TLR5: variants seen among roughly 807,000 people sequenced by gnomAD.
TLR5 encodes toll-like receptor 5.
For synonymous variants in TLR5, 373 were observed against 384.4 expected (o/e 0.97, Z 0.35); for missense variants, 944 against 999.8 (o/e 0.94, Z 0.75).
chr1:223,120,777 T>C (rs1343419230), intron 5 of TLR5, among the ~76,000 whole-genome samples: 1 of 152,124 alleles, frequency 6.6e-6, no homozygotes, highest in Non-Finnish European at 1.5e-5. Flanking sequence ...AAATGTCAAG[T>C]GTAATAAAAA....
chr1:223,118,668 A>G (rs2102888084), intron 5 of TLR5, among the ~76,000 whole-genome samples: 1 of 152,314 alleles, frequency 6.6e-6, no homozygotes, highest in African/African-American at 2.4e-5. Context: ...AGAATATAAT[A>G]TAAATGCCTC....
At position 223,111,306 on chromosome 1, in the gene TLR5, T is replaced by A; in HGVS notation, c.1726A>T (p.Ile576Leu). 6.2e-7 allele frequency: 1 copy of A among 1,614,164 alleles called. No homozygotes were observed. Among genetic ancestry groups the A allele is most frequent in the South Asian group, 1.1e-5 (1 of 91,082 alleles). The change falls in exon 6 of 6, where the codon ATA (isoleucine) becomes TTA (leucine). Residue 576 changes from isoleucine to leucine, a missense_variant. By Grantham distance (5) the Ile-to-Leu change is conservative. Transcript: ENST00000642603. Reference protein sequence around the residue: ...DVFVSLSVLDITHNKFICECE... With the variant: ...DVFVSLSVLDLTHNKFICECE... ...TCACAAATGAACTTGTTATGAGTTA[T>A]ATCCAAGACACTAAGTGATACAAAT...
chr1:223,117,196 C>T (rs985722373), intron 5 of TLR5, among the ~76,000 whole-genome samples: 1 of 152,106 alleles, frequency 6.6e-6, no homozygotes, highest in Admixed American at 6.5e-5. Context: ...CAGCTCCTGG[C>T]CCGGGTGCTA....
At chr1:223,120,283 C>T (rs959474764) in intron 5 of TLR5, among the ~76,000 whole-genome samples, 15 of 152,164 alleles carry the variant, frequency 9.9e-5, no homozygotes, top group African/African-American at 3.4e-4. Context: ...CTGGAGGCTT[C>T]ATCTGCATAA....
At chr1:223,139,569 A>G (rs1365825128) in intron 2 of TLR5, among the ~76,000 whole-genome samples, 1 of 152,176 alleles carries the variant, frequency 6.6e-6, no homozygotes, top group Non-Finnish European at 1.5e-5. Context: ...GCTGCCAAAC[A>G]GCATGGACAA....
Position 223,141,748 on chromosome 1 carries a change from G to GGGC in TLR5, c.-542_-540dup, listed in dbSNP as rs1657848504. The stretch of plus-strand genomic sequence containing the variant: ...AGATTGTGTCACTGCAGTCCAGCCT[G>GGGC]GGCGGCAGAGTGAGACTGTCTCAAA... On this transcript the variant is annotated 5_prime_UTR_variant, in exon 2 of 6. Transcript: ENST00000642603. 1 of 145,208 alleles carries GGGC rather than the reference G, an allele frequency of 6.9e-6. No homozygotes were observed. The allele number at this position is 145,208 out of a possible 1,614,324, so 9.0% of individuals were successfully genotyped here.
chr1:223,113,060 A>G, intron 5 of TLR5, 25 bp from the exon 6 acceptor site: 1 of 1,612,864 alleles, frequency 6.2e-7, no homozygotes, highest in Non-Finnish European at 8.5e-7. Flanking sequence ...GGAGAATGAA[A>G]ACACAGGCAT....
intron 4 of TLR5, among the ~76,000 whole-genome samples, chr1:223,133,418 T>C (rs1657471249): frequency 6.6e-6 from 1 of 152,178 alleles, no homozygotes; most frequent in African/African-American, 2.4e-5. Context: ...AAACGGTGAT[T>C]CTGATTCATC....
At chr1:223,117,291 C>T (rs997691210) in intron 5 of TLR5, among the ~76,000 whole-genome samples, 1 of 152,066 alleles carries the variant, frequency 6.6e-6, no homozygotes, top group Non-Finnish European at 1.5e-5. Flanking sequence ...GTGAGCACCC[C>T]AGCCCTGGTT....
intron 5 of TLR5, among the ~76,000 whole-genome samples, chr1:223,113,755 C>T (rs538867665): frequency 3.3e-5 from 5 of 152,326 alleles, no homozygotes; most frequent in African/African-American, 1.2e-4. Flanking sequence ...CCACTGCACC[C>T]TGCCTTCACT....
At chr1:223,117,032 G>T (rs1656694498) in intron 5 of TLR5, among the ~76,000 whole-genome samples, 1 of 152,178 alleles carries the variant, frequency 6.6e-6, no homozygotes, top group African/African-American at 2.4e-5. Flanking sequence ...CGTTGGGGAG[G>T]CTTGGCCGCG....
rs1467316611 is a variant in TLR5 at position 223,141,760 on chromosome 1, G to A, written c.-551C>T. ...TGCAGTCCAGCCTGGGCGGCAGAGT[G>A]AGACTGTCTCAAAAAAAAAATTACA... On this transcript the variant is annotated 5_prime_UTR_variant, in exon 2 of 6. Coordinates refer to ENST00000642603, the MANE Select transcript of TLR5 (RefSeq NM_003268.6). The A allele has an allele frequency of 7.0e-6, 1 of 141,864 alleles. No homozygotes were observed. Among genetic ancestry groups the A allele is most frequent in the Admixed American group, 7.0e-5 (1 of 14,320 alleles). The allele number at this position is 141,864 out of a possible 1,614,324, so 8.8% of individuals were successfully genotyped here. A position where few individuals can be genotyped will look rare whatever the true frequency, so the allele number is the denominator to read the frequency against.
Position 223,112,401 on chromosome 1 carries a change from T to G in TLR5, c.631A>C (p.Arg211=). 1 of 1,614,242 alleles carries G rather than the reference T, an allele frequency of 6.2e-7. No individual in the cohort carries two copies. ...FSLAANSLYS[R]VSVDWGKCMN... ...CATTTTCCCCAGTCCACTGAGACTCTGCTATACAAGCTATTAGCTGCGAGG... is the reference window on the plus strand; with the variant it reads ...CATTTTCCCCAGTCCACTGAGACTCGGCTATACAAGCTATTAGCTGCGAGG... The change falls in exon 6 of 6, where the codon AGA becomes CGA. Residue 211 remains arginine, a synonymous_variant. Transcript: ENST00000642603.
At position 223,112,873 on chromosome 1, in the gene TLR5, C is replaced by A; in HGVS notation, c.159G>T (p.Leu53=). Residue 53 remains leucine (L), a synonymous_variant, in exon 6 of 6, where the codon CTG becomes CTT. Transcript: ENST00000642603. ...TGACTGTCCTGATATAGTTGAAGCT[C>A]AGCAGGAGCCTCTCAGTGGTGTTGA... ...QVLNTTERLL[L]SFNYIRTVTA... is the part of the protein sequence containing the mutation. 1 of 1,614,060 alleles carries A rather than the reference C, an allele frequency of 6.2e-7. No individual in the cohort carries two copies. The highest frequency in any genetic ancestry group is 8.5e-7 in the Non-Finnish European group (1 of 1,179,998).
At chr1:223,138,446 G>A (rs997037474) in intron 2 of TLR5, among the ~76,000 whole-genome samples, 1 of 151,736 alleles carries the variant, frequency 6.6e-6, no homozygotes, top group Non-Finnish European at 1.5e-5. Flanking sequence ...TGGCTTCTAG[G>A]TTTCCCCAAG....
Position 223,109,731 on chromosome 1 carries a change from T to A in TLR5, c.*724A>T, listed in dbSNP as rs1370991444. ...TGCAACAGCCTGAGCAGCTGATCAA[T>A]GAGGTGTGCTAGGAAACAAAGCTGA... On this transcript the variant is annotated 3_prime_UTR_variant, in exon 6 of 6. Coordinates refer to ENST00000642603, the MANE Select transcript of TLR5 (RefSeq NM_003268.6). 6.5e-6 allele frequency: 1 copy of A among 152,808 alleles called. No individual in the cohort carries two copies. Among genetic ancestry groups the A allele is most frequent in the Non-Finnish European group, 1.5e-5 (1 of 68,412 alleles). The allele number at this position is 152,808 out of a possible 1,614,324, so 9.5% of individuals were successfully genotyped here. A position where few individuals can be genotyped will look rare whatever the true frequency, so the allele number is the denominator to read the frequency against.
rs1428568601 is a variant in TLR5, at chr1:223,131,283, C to G, written c.-5+1192G>C. Among the ~76,000 whole-genome samples, 1 of 152,206 alleles carries G rather than the reference C, an allele frequency of 6.6e-6. No individual in the cohort carries two copies. The highest frequency in any genetic ancestry group is 1.5e-5 in the Non-Finnish European group (1 of 68,046). ...CTAGAGAGGCCCTCAGGGCTTGAAC[C>G]CTTTCATTTCACAGAGCAGGAAACT... On this transcript the variant is annotated intron_variant, in intron 5 of 5. Transcript: ENST00000642603. This position sits in a 1 kb window ranked among gnomAD's most constrained non-coding sequence, Gnocchi z 4.2.
At position 223,112,403 on chromosome 1, in the gene TLR5, C is replaced by T; in HGVS notation, c.629G>A (p.Ser210Asn). The T allele has an allele frequency of 1.2e-6, 2 of 1,614,236 alleles. No homozygotes were observed. The highest frequency in any genetic ancestry group is 1.6e-4 in the Middle Eastern group (1 of 6,062). The change falls in exon 6 of 6, where the codon AGC becomes AAC. Residue 210 changes from serine (S) to asparagine (N), a missense_variant. Coordinates refer to ENST00000642603, the MANE Select transcript of TLR5 (RefSeq NM_003268.6). ...FFSLAANSLY[S>N]RVSVDWGKCM... ...TTTTCCCCAGTCCACTGAGACTCTG[C>T]TATACAAGCTATTAGCTGCGAGGCT... is the stretch of plus-strand genomic sequence containing the variant.
In TLR5 at chr1:223,131,872, T is replaced by G. The variant is rs892209203; in HGVS notation, c.-5+603A>C. Among the ~76,000 whole-genome samples the G allele has an allele frequency of 6.7e-6, 1 of 148,416 alleles. No homozygotes were observed. The highest frequency in any genetic ancestry group is 1.5e-5 in the Non-Finnish European group (1 of 67,230). ...TTGGGATTCCAGGCATGAGCCACCA[T>G]GCCTGGCCTATATGCACTCTTTATC... On this transcript the variant is annotated intron_variant, in intron 5 of 5. Transcript: ENST00000642603. The surrounding 1 kb of genome is among the most constrained non-coding windows in gnomAD (Gnocchi z 4.2).
Sources: gnomAD v4.1 joint callset for allele counts (sites outside exome capture counted in the v4.1 genomes callset) on GRCh38, gnomAD v4.1.1 for gene constraint, Gnocchi (gnomAD v3.1) non-coding constraint, MANE v1.5 for transcripts, NCBI Gene and HGNC (gene_info 2026-07-23, HGNC 2026-07-21) for gene names.